Variants in DHX8 observed in about 807,000 individuals in gnomAD.
DHX8 encodes the protein ATP-dependent RNA helicase DHX8.
In DHX8, 67 loss-of-function variants were observed where a neutral mutation model predicts 140.7. The ratio of observed to expected loss-of-function variants is 0.48; its 90% confidence interval spans 0.39 to 0.58. The LOEUF (loss-of-function observed/expected upper bound fraction) is 0.58. Ranked by LOEUF, DHX8 falls within the 20% of genes least tolerant of loss-of-function variation. The pLI is 0.00. For synonymous variants in DHX8, 533 were observed against 553.2 expected (o/e 0.96, Z 0.51); for missense variants, 887 against 1,550.7 (o/e 0.57, Z 7.19).
chr17:43,516,581 T>C (rs1175484501), intron 17 of DHX8, among the ~76,000 whole-genome samples: 1 of 152,128 alleles, frequency 6.6e-6, no homozygotes, highest in Non-Finnish European at 1.5e-5. Flanking sequence ...TCCTGAATAC[T>C]GGGACTACAG....
intron 3 of DHX8, among the ~76,000 whole-genome samples, chr17:43,538,540 G>A (rs529987555): frequency 6.6e-5 from 10 of 152,262 alleles, no homozygotes; most frequent in South Asian, 2.1e-4. Flanking sequence ...AAATACAGCA[G>A]CAGCTCATCC....
exon 4 of DHX8, chr17:43,544,450 A>G (rs1323932119): frequency 6.5e-6 from 1 of 153,246 alleles, no homozygotes; most frequent in Non-Finnish European, 1.5e-5. Flanking sequence ...GCCGAAAAGA[A>G]TTATTTAAAC....
intron 4 of DHX8, among the ~76,000 whole-genome samples, 172 bp from the exon 5 acceptor site, chr17:43,492,011 T>G (rs1669177675): frequency 6.6e-6 from 1 of 152,230 alleles, no homozygotes; most frequent in Non-Finnish European, 1.5e-5. Context: ...TAGCAGTAAT[T>G]CTCAAGAGCC....
intron 21 of DHX8, 136 bp from the exon 22 acceptor site, chr17:43,521,911 G>A: frequency 3.4e-6 from 3 of 884,546 alleles, no homozygotes; most frequent in Non-Finnish European, 5.3e-6. Flanking sequence ...AGCTGCCTCT[G>A]TAGTACACTT....
chr17:43,486,879 A>C (rs1968188431), intron 1 of DHX8, among the ~76,000 whole-genome samples: 2 of 149,344 alleles, frequency 1.3e-5, no homozygotes, highest in Non-Finnish European at 3.0e-5. Context: ...CCGTCTCAAA[A>C]AAAAAAAAAA....
At chr17:43,518,573 A>C (rs1453187943) in intron 18 of DHX8, 1 of 151,696 alleles carries the variant, frequency 6.6e-6, no homozygotes, top group Non-Finnish European at 1.5e-5. Flanking sequence ...TTGGTAGACT[A>C]TATTATTATT....
intron 3 of DHX8, 144 bp downstream of exon 3, chr17:43,490,607 T>C: frequency 1.5e-6 from 1 of 678,756 alleles, no homozygotes; most frequent in South Asian, 2.0e-5. Flanking sequence ...GCCTAGCGGC[T>C]CACTGCTGGA....
Position 43,505,130 on chromosome 17 carries a change from G to A in DHX8, c.1728+305G>A, listed in dbSNP as rs115890930. ...GTCTCTACAAAAAATAAAAAATTTG[G>A]TGGGGCGTGGTGGCCCACACCTGTA... On this transcript the variant is annotated intron_variant, in intron 12 of 22. Transcript: ENST00000262415. 2.2e-3 allele frequency among the ~76,000 whole-genome samples: 332 copies of A among 152,268 alleles called. 1 individual carries two copies. The highest frequency in any genetic ancestry group is 7.3e-3 in the African/African-American group (302 of 41,566).
Position 43,520,145 on chromosome 17 carries a change from G to T in DHX8, c.2815G>T (p.Asp939Tyr). The T allele has an allele frequency of 6.2e-7, 1 of 1,614,128 alleles. No homozygotes were observed. The highest frequency in any genetic ancestry group is 1.1e-5 in the South Asian group (1 of 91,068). ...TCTGTTCTAGGCCATGGGTATCAAT[G>T]ATCTGCTGTCCTTTGATTTCATGGA... is the stretch of plus-strand genomic sequence containing the variant. The part of the protein sequence containing the change: ...VLSLKAMGIN[D>Y]LLSFDFMDAP... Residue 939 changes from aspartate to tyrosine, a missense_variant, in exon 19 of 23, where the codon GAT (aspartate) becomes TAT (tyrosine). Coordinates refer to ENST00000262415, the MANE Select transcript of DHX8 (RefSeq NM_004941.3).
At chr17:43,513,709 C>CTTTTTTTT (rs34829204) in intron 17 of DHX8, among the ~76,000 whole-genome samples, 11 of 105,940 alleles carry the variant, frequency 1.0e-4, no homozygotes, top group African/African-American at 2.6e-4. Flanking sequence ...AGTTTTTAAT[C>CTTTTTTTT]TTTTTTTTTT....
chr17:43,533,350 T>C lies in DHX8; in HGVS notation c.351-3062T>C, dbSNP rs759131168. ...ATTTGTCTGGGGGGGTCATAGGCAC[T>C]GGAGTTGAGAAGGAGACAGGGGTGA... On this transcript the variant is annotated intron_variant, in intron 2 of 3. Transcript: ENST00000589898. The C allele has an allele frequency of 1.1e-5, 18 of 1,611,520 alleles. No individual in the cohort carries two copies. In the East Asian group the frequency reaches 3.6e-4, roughly 32 times the overall value.
At chr17:43,510,208 C>G (rs1039509810) in intron 16 of DHX8, among the ~76,000 whole-genome samples, 1 of 151,786 alleles carries the variant, frequency 6.6e-6, no homozygotes, top group Non-Finnish European at 1.5e-5. Flanking sequence ...GCCACCACAC[C>G]CGGCTAATTT....
At chr17:43,500,239 C>G in intron 11 of DHX8, 136 bp downstream of exon 11, 1 of 946,936 alleles carries the variant, frequency 1.1e-6, no homozygotes, top group Non-Finnish European at 1.5e-6. Context: ...AATCCCAGCA[C>G]TTTGGGAGGC....
chr17:43,500,518 C>T (rs1969126454), intron 11 of DHX8, among the ~76,000 whole-genome samples: 1 of 151,938 alleles, frequency 6.6e-6, no homozygotes, highest in South Asian at 2.1e-4. Context: ...TTTTTCACTT[C>T]AGTTAGAGCA....
intron 6 of DHX8, 82 bp from the exon 7 acceptor site, chr17:43,493,363 T>G (rs1179545645): frequency 1.2e-5 from 18 of 1,539,924 alleles, no homozygotes; most frequent in Non-Finnish European, 1.5e-5. Flanking sequence ...CCATTTTCTT[T>G]TGTTAGTTCC....
intron 6 of DHX8, 65 bp from the exon 7 acceptor site, chr17:43,493,380 G>A (rs543400239): frequency 6.3e-7 from 1 of 1,586,532 alleles, no homozygotes; most frequent in African/African-American, 1.3e-5. Context: ...TTCCAGTAAG[G>A]GTAGAAATTG....
chr17:43,485,439 T>C (rs1968080770), intron 1 of DHX8, among the ~76,000 whole-genome samples: 1 of 152,114 alleles, frequency 6.6e-6, no homozygotes, highest in Non-Finnish European at 1.5e-5. Context: ...CTGCAGCCAG[T>C]ATATTTTAGT....
rs112204053 is a variant in DHX8, at chr17:43,515,047, A to G, written c.2643+1545A>G. ...GCCAAGATTATTTATGGGTGGTGCT[A>G]CTAGATGATGTGCATTTTCTTTTAT... On this transcript the variant is annotated intron_variant, in intron 17 of 22. Transcript: ENST00000262415. Among the ~76,000 whole-genome samples the G allele has an allele frequency of 1.2e-4, 19 of 152,292 alleles. 1 individual carries two copies. The highest frequency in any genetic ancestry group is 4.3e-4 in the African/African-American group (18 of 41,560).
chr17:43,529,942 A>G (rs917050758), downstream of DHX8: 8 of 1,613,214 alleles, frequency 5.0e-6, no homozygotes, highest in African/African-American at 6.7e-5. Flanking sequence ...GAGGTTTCTC[A>G]TAGCCATAGC....
Sources: allele counts gnomAD v4.1 joint callset (sites outside exome capture counted in the v4.1 genomes callset), GRCh38; gene constraint gnomAD v4.1.1; transcripts MANE v1.5; gene names NCBI Gene and HGNC (gene_info 2026-07-23, HGNC 2026-07-21).